SLC35E2B: variants seen among roughly 807,000 people sequenced by gnomAD.
The protein encoded by SLC35E2B is solute carrier family 35 member E2B, also known as solute carrier family 35, member E2B.
Under a neutral mutation model 32.4 loss-of-function variants are expected in SLC35E2B, and 18 were observed. That is an observed-to-expected ratio of 0.56 (90% CI 0.38 to 0.82). The LOEUF is 0.82. Ranked by LOEUF, SLC35E2B falls within the 40% of genes least tolerant of loss-of-function variation. SLC35E2B has a pLI of 0.00. For missense variants in SLC35E2B, 263 were observed against 469.5 expected (o/e 0.56, Z 4.06); for synonymous variants, 132 against 209.1 (o/e 0.63, Z 3.18).
intron 2 of SLC35E2B, among the ~76,000 whole-genome samples, chr1:1,679,926 T>C (rs1320190052): frequency 6.8e-6 from 1 of 146,254 alleles, no homozygotes; most frequent in Non-Finnish European, 1.5e-5. Context: ...AGGTCAGGAG[T>C]TCAAGACCAG....
Position 1,664,075 on chromosome 1 carries a change from T to A in SLC35E2B, c.*1707A>T, listed in dbSNP as rs1480565089. ...GCACGTGCCTGTGGTTCCAGCCACATGGGAGGCTGAGGTGGGAGGATCATT... is the reference window on the plus strand; with the variant it reads ...GCACGTGCCTGTGGTTCCAGCCACAAGGGAGGCTGAGGTGGGAGGATCATT... On this transcript the variant is annotated 3_prime_UTR_variant, in exon 10 of 10. Coordinates refer to ENST00000617444, the MANE Select transcript of SLC35E2B (RefSeq NM_001290264.2). The A allele has an allele frequency of 6.5e-5, 29 of 446,078 alleles. 3 individuals carry two copies. Among genetic ancestry groups the A allele is most frequent in the Non-Finnish European group, 8.6e-5 (29 of 336,962 alleles). The allele number at this position is 446,078 out of a possible 1,614,324, so 27.6% of individuals were successfully genotyped here.
At chr1:1,673,748 G>A (rs1267685720) in intron 5 of SLC35E2B, among the ~76,000 whole-genome samples, 1 of 151,942 alleles carries the variant, frequency 6.6e-6, no homozygotes, top group African/African-American at 2.4e-5. Flanking sequence ...GGATCAACGA[G>A]GTCAGGAGAT....
chr1:1,686,321 C>CTTTTTTTTTTTTTTT (rs375495225), intron 2 of SLC35E2B, among the ~76,000 whole-genome samples: 11 of 127,792 alleles, frequency 8.6e-5, no homozygotes, highest in African/African-American at 1.2e-4. Flanking sequence ...CTTTTTTTTT[C>CTTTTTTTTTTTTTTT]TTTTTTTTTT....
chr1:1,679,549 A>G (rs941947170), intron 2 of SLC35E2B, among the ~76,000 whole-genome samples: 5 of 152,064 alleles, frequency 3.3e-5, no homozygotes, highest in African/African-American at 9.7e-5. Flanking sequence ...GTTCTGGGCC[A>G]GGCGCCGTGG....
chr1:1,679,359 T>G (rs1045917732), intron 2 of SLC35E2B, among the ~76,000 whole-genome samples: 1 of 152,052 alleles, frequency 6.6e-6, no homozygotes, highest in Non-Finnish European at 1.5e-5. Context: ...CAGGCAAAAC[T>G]GCTCCCCGCA....
In SLC35E2B at chr1:1,663,375, C is replaced by G; in HGVS notation, c.*2407G>C. 1 of 957,928 alleles carries G rather than the reference C, an allele frequency of 1.0e-6. No homozygotes were observed. Among genetic ancestry groups the G allele is most frequent in the Non-Finnish European group, 1.2e-6 (1 of 806,758 alleles). The allele number at this position is 957,928 out of a possible 1,614,324, so 59.3% of individuals were successfully genotyped here. A position where few individuals can be genotyped will look rare whatever the true frequency, so the allele number is the denominator to read the frequency against. On this transcript the variant is annotated 3_prime_UTR_variant, in exon 10 of 10. Transcript: ENST00000617444. ...CACAATCTTCAAAGAGGCCGGCAGC[C>G]ACATTCTCGACGGGGAGGTGGACAA...
intron 9 of SLC35E2B, 47 bp from the exon 10 acceptor site, chr1:1,666,066 C>T (rs1643536646): frequency 1.3e-6 from 2 of 1,518,662 alleles, no homozygotes; most frequent in African/African-American, 1.4e-5. Context: ...GCTATGGTCT[C>T]CTCAGCCCGT....
At chr1:1,666,099 G>C (rs1168067147) in intron 9 of SLC35E2B, 80 bp from the exon 10 acceptor site, 2 of 1,459,254 alleles carry the variant, frequency 1.4e-6, no homozygotes, top group Non-Finnish European at 1.8e-6. Flanking sequence ...GGCTGAGCCT[G>C]GGTCTGGAGG....
At chr1:1,684,789 C>CAAAAAAAAAA (rs1175219653) in intron 2 of SLC35E2B, among the ~76,000 whole-genome samples, 1 of 23,732 alleles carries the variant, frequency 4.2e-5, no homozygotes, top group Non-Finnish European at 7.3e-5. Context: ...GACTCCATCT[C>CAAAAAAAAAA]AAAAAAAAAA....
rs1305952125 is a variant in SLC35E2B at position 1,669,541 on chromosome 1, C to A, written c.834+123G>T. 1.8e-5 allele frequency: 17 copies of A among 969,724 alleles called. No homozygotes were observed. In the Admixed American group the frequency reaches 4.6e-4, roughly 26 times the overall value. The allele number at this position is 969,724 out of a possible 1,614,324, so 60.1% of individuals were successfully genotyped here. On this transcript the variant is annotated intron_variant, in intron 8 of 9. Transcript: ENST00000617444. ...CCCAGGGCAACTCAGCTAAGCAGGACCCGCAGCGGAGCTGGGCCCAACCAG... is the reference window on the plus strand; with the variant it reads ...CCCAGGGCAACTCAGCTAAGCAGGAACCGCAGCGGAGCTGGGCCCAACCAG...
chr1:1,679,575 C>T (rs1021420078), intron 2 of SLC35E2B, among the ~76,000 whole-genome samples: 12 of 152,212 alleles, frequency 7.9e-5, no homozygotes, highest in Middle Eastern at 3.4e-3. Context: ...ACCTGGAATC[C>T]CAGCACTTTG....
intron 2 of SLC35E2B, among the ~76,000 whole-genome samples, chr1:1,686,321 CTT>C (rs375495225): frequency 0.029 from 3,709 of 127,608 alleles, 43 homozygotes; most frequent in Middle Eastern, 0.05. Context: ...CTTTTTTTTT[CTT>C]TTTTTTTTTT....
chr1:1,668,293 A>G, intron 9 of SLC35E2B, 34 bp downstream of exon 9: 2 of 1,580,908 alleles, frequency 1.3e-6, no homozygotes, highest in Non-Finnish European at 1.7e-6. Flanking sequence ...AACAACCTGG[A>G]CACACTCAAC....
At chr1:1,679,263 C>G (rs1255441682) in intron 2 of SLC35E2B, among the ~76,000 whole-genome samples, 2 of 152,192 alleles carry the variant, frequency 1.3e-5, no homozygotes, top group African/African-American at 4.8e-5. Context: ...GACGTCGAGG[C>G]AAACCTGGAA....
rs760241338 is a variant in SLC35E2B, at chr1:1,676,168, G to A, written c.354C>T (p.Ile118=). The change falls in exon 4 of 10, where the codon ATC becomes ATT. Residue 118 remains isoleucine, a synonymous_variant. Coordinates refer to ENST00000617444, the MANE Select transcript of SLC35E2B (RefSeq NM_001290264.2). ...GAVQMLSTTV[I]GCVKTLVPCC... The stretch of plus-strand genomic sequence containing the variant: ...AAGGAACGAGGGTTTTCACACACCC[G>A]ATAACCGTGGTGGACAGCATCTGCA... 5 of 1,250,050 alleles carry A rather than the reference G, an allele frequency of 4.0e-6. 1 individual carries two copies. The South Asian group carries it at 4.9e-5, about 12-fold the overall frequency. The allele number at this position is 1,250,050 out of a possible 1,614,324, so 77.4% of individuals were successfully genotyped here.
intron 2 of SLC35E2B, among the ~76,000 whole-genome samples, chr1:1,681,164 G>T (rs4074198): frequency 1.4e-4 from 22 of 151,850 alleles, no homozygotes; most frequent in African/African-American, 5.3e-4. Flanking sequence ...AACAGATTCC[G>T]GCCTGAAACT....
rs953837587 is a variant in SLC35E2B, at chr1:1,662,997, C to T, written c.*2785G>A. 33 of 946,902 alleles carry T rather than the reference C, an allele frequency of 3.5e-5. 3 individuals carry two copies. The highest frequency in any genetic ancestry group is 1.1e-3 in the Middle Eastern group (2 of 1,876). The allele number at this position is 946,902 out of a possible 1,614,324, so 58.7% of individuals were successfully genotyped here. A position where few individuals can be genotyped will look rare whatever the true frequency, so the allele number is the denominator to read the frequency against. ...GCCTTGGGTTTTGCCTCTTGGTGCC[C>T]GGCTGTGCTGGGAATGCCATGAAGA... On this transcript the variant is annotated 3_prime_UTR_variant, in exon 10 of 10. Transcript: ENST00000617444.
Position 1,671,580 on chromosome 1 carries a change from C to T in SLC35E2B, c.636G>A (p.Leu212=), listed in dbSNP as rs2101097807. The change falls in exon 6 of 10, where the codon CTG becomes CTA. Residue 212 remains leucine (L), a synonymous_variant. Coordinates refer to ENST00000617444, the MANE Select transcript of SLC35E2B (RefSeq NM_001290264.2). ...TGAAGCTGATCTCAGTGGCCGTGCA[C>T]AGCGCCAGCCCGCCCATGACTGGGA... ...SLIPVMGGLA[L]CTATEISFNV... is the part of the protein sequence containing the mutation. The T allele has an allele frequency of 6.5e-7, 1 of 1,549,558 alleles. No homozygotes were observed. Among genetic ancestry groups the T allele is most frequent in the Non-Finnish European group, 8.7e-7 (1 of 1,146,102 alleles).
rs547834799 is a variant in SLC35E2B, at chr1:1,669,089, C to T, written c.834+575G>A. On this transcript the variant is annotated intron_variant, in intron 8 of 9. Transcript: ENST00000617444. ...AAGAACTGATGGCCCTGGCCGGCAA[C>T]CACAACTTCCCTGCAGGGAGAATGG... Among the ~76,000 whole-genome samples the T allele has an allele frequency of 4.6e-5, 7 of 152,180 alleles. 1 individual carries two copies. In the East Asian group the frequency reaches 7.7e-4, roughly 17 times the overall value.
Sources: allele counts gnomAD v4.1 joint callset (sites outside exome capture counted in the v4.1 genomes callset), GRCh38; gene constraint gnomAD v4.1.1; transcripts MANE v1.5; gene names NCBI Gene and HGNC (gene_info 2026-07-23, HGNC 2026-07-21).